Variants in HMGN2 observed in about 807,000 individuals in gnomAD.
HMGN2 encodes the protein high mobility group nucleosomal binding domain 2, also known as non-histone chromosomal protein HMG-17.
Under a neutral mutation model 16.9 loss-of-function variants are expected in HMGN2, and 2 were observed. The ratio of observed to expected loss-of-function variants is 0.12; its 90% confidence interval spans 0.05 to 0.37. The LOEUF (loss-of-function observed/expected upper bound fraction) is 0.37, where lower values mean the gene tolerates loss of function less well. Among genes scored for constraint, HMGN2 ranks in the 10% least tolerant of loss-of-function variants. The probability of loss-of-function intolerance (pLI) is 1.00; values close to 1 mark genes in which losing one functional copy is unlikely to be tolerated. For synonymous variants in HMGN2, 31 were observed against 34.9 expected (o/e 0.89, Z 0.39); for missense variants, 90 against 106.0 (o/e 0.85, Z 0.66).
At chr1:26,474,524 G>T in intron 4 of HMGN2, 48 bp from the exon 5 acceptor site, 2 of 872,258 alleles carry the variant, frequency 2.3e-6, no homozygotes, top group Non-Finnish European at 3.8e-6. Context: ...ACCATACCTT[G>T]GTAATACGAA....
At chr1:26,474,826 C>G (rs1317215482) in intron 5 of HMGN2, 159 bp downstream of exon 5, 1 of 627,968 alleles carries the variant, frequency 1.6e-6, no homozygotes, top group Admixed American at 2.6e-5. Flanking sequence ...CTTGAAATCT[C>G]TACTGTCAGC....
intron 3 of HMGN2, 92 bp from the exon 4 acceptor site, chr1:26,473,993 C>T (rs966114451): frequency 1.8e-6 from 2 of 1,103,354 alleles, no homozygotes; most frequent in African/African-American, 3.2e-5. Flanking sequence ...GGAGAAACTT[C>T]TCTACCCTTG....
intron 1 of HMGN2, 39 bp from the exon 2 acceptor site, chr1:26,473,444 A>G: frequency 1.3e-6 from 2 of 1,485,080 alleles, no homozygotes; most frequent in South Asian, 1.1e-5. Flanking sequence ...ATTAAGAACC[A>G]CCTCAAAATC....
At chr1:26,472,703 C>T (rs946230438) in intron 1 of HMGN2, 76 bp downstream of exon 1, 16 of 1,333,394 alleles carry the variant, frequency 1.2e-5, no homozygotes, top group Non-Finnish European at 1.5e-5. Flanking sequence ...GTGCAGGGAG[C>T]GAGAATCGGC....
chr1:26,476,395 G>T lies in HMGN2; in HGVS notation c.*1247G>T, dbSNP rs1437320639. 6.6e-6 allele frequency among the ~76,000 whole-genome samples: 1 copy of T among 152,202 alleles called. No homozygotes were observed. Among genetic ancestry groups the T allele is most frequent in the Non-Finnish European group, 1.5e-5 (1 of 68,044 alleles). ...TGTCAGAGAGTGTCTCTGTGAATGT[G>T]TACACAGTTGTCCATTTGTAAGGTA... On this transcript the variant is annotated 3_prime_UTR_variant, in exon 6 of 6. Transcript: ENST00000361427.
intron 1 of HMGN2, among the ~76,000 whole-genome samples, chr1:26,473,038 T>TG (rs1318817156): frequency 0.01 from 10 of 970 alleles, no homozygotes; most frequent in Non-Finnish European, 0.045. Flanking sequence ...ACCGCCGCCG[T>TG]GAGGGGCGGG....
rs993724963 is a variant in HMGN2 at position 26,476,230 on chromosome 1, T to G, written c.*1082T>G. 7.2e-5 allele frequency among the ~76,000 whole-genome samples: 11 copies of G among 152,222 alleles called. No homozygotes were observed. The highest frequency in any genetic ancestry group is 1.3e-4 in the Non-Finnish European group (9 of 68,044). ...GCAGCATTCCCTGCAGTGTTTGTTT[T>G]TTGCATGACTCCGAATACATGAAGT... On this transcript the variant is annotated 3_prime_UTR_variant, in exon 6 of 6. Coordinates refer to ENST00000361427, the MANE Select transcript of HMGN2 (RefSeq NM_005517.4).
chr1:26,475,044 G>A lies in HMGN2; in HGVS notation c.238-69G>A, dbSNP rs144027436. On this transcript the variant is annotated intron_variant, in intron 5 of 5. Coordinates refer to ENST00000361427, the MANE Select transcript of HMGN2 (RefSeq NM_005517.4). The stretch of plus-strand genomic sequence containing the variant: ...TTTGGCCTGGGAGCAAAGTGATGCT[G>A]TAGGTGGAATGTGAACACAGATAGT... The A allele has an allele frequency of 5.2e-5, 66 of 1,267,798 alleles. 1 individual carries two copies. In the African/African-American group the frequency reaches 7.7e-4, roughly 15 times the overall value. The allele number at this position is 1,267,798 out of a possible 1,614,324, so 78.5% of individuals were successfully genotyped here.
At chr1:26,473,431 GTAAT>G (rs2075588868) in intron 1 of HMGN2, 48 bp from the exon 2 acceptor site, 4 of 1,316,712 alleles carry the variant, frequency 3.0e-6, no homozygotes, top group Admixed American at 1.7e-5. Context: ...AGTTTGGGAA[GTAAT>G]TAAGAACCAC....
At chr1:26,473,093 A>C (rs907498307) in intron 1 of HMGN2, 11 of 242,034 alleles carry the variant, frequency 4.5e-5, no homozygotes, top group Non-Finnish European at 8.0e-5. Context: ...TTCCCCGCGC[A>C]CGAGACGCGC....
At chr1:26,475,034 A>G in intron 5 of HMGN2, 79 bp from the exon 6 acceptor site, 3 of 1,194,536 alleles carry the variant, frequency 2.5e-6, no homozygotes, top group South Asian at 2.5e-5. Flanking sequence ...CCTGGGAGCA[A>G]AGTGATGCTG....
intron 1 of HMGN2, among the ~76,000 whole-genome samples, chr1:26,472,878 C>T (rs926082866): frequency 4.0e-5 from 6 of 151,878 alleles, no homozygotes; most frequent in Non-Finnish European, 7.4e-5. Flanking sequence ...TTATCCCGCT[C>T]TCCTCGGGCT....
At chr1:26,473,072 C>T (rs2075584473) in intron 1 of HMGN2, 1 of 252,884 alleles carries the variant, frequency 4.0e-6, no homozygotes, top group South Asian at 5.5e-5. Flanking sequence ...GGCCCCGCCC[C>T]CTCGCCCACG....
rs2075608404 is a variant in HMGN2, at chr1:26,476,239, C to G, written c.*1091C>G. 6.6e-6 allele frequency among the ~76,000 whole-genome samples: 1 copy of G among 152,172 alleles called. No homozygotes were observed. On this transcript the variant is annotated 3_prime_UTR_variant, in exon 6 of 6. Transcript: ENST00000361427. Reference sequence around the variant, plus strand: ...CCTGCAGTGTTTGTTTTTTGCATGACTCCGAATACATGAAGTGTATTAAAT... The same window carrying G: ...CCTGCAGTGTTTGTTTTTTGCATGAGTCCGAATACATGAAGTGTATTAAAT...
chr1:26,474,265 G>T, intron 4 of HMGN2, 130 bp downstream of exon 4: 1 of 678,880 alleles, frequency 1.5e-6, no homozygotes, highest in Non-Finnish European at 2.5e-6. Context: ...CCTCGTCCGT[G>T]TCATTCATAA....
At position 26,472,665 on chromosome 1, in the gene HMGN2, T is replaced by TGCCGCCACC. The variant is rs141841615; in HGVS notation, c.15+45_15+53dup. The TGCCGCCACC allele has an allele frequency of 4.2e-5, 63 of 1,506,780 alleles. No homozygotes were observed. The South Asian group carries it at 5.2e-4, about 12-fold the overall frequency. The allele number at this position is 1,506,780 out of a possible 1,614,324, so 93.3% of individuals were successfully genotyped here. ...AGGGCCCCAGGCGCCGGGCCACCACTGCCGCCACCGCCGCCGCCGCCTCCC... is the reference window on the plus strand; with the variant it reads ...AGGGCCCCAGGCGCCGGGCCACCACTGCCGCCACCGCCGCCACCGCCGCCGCCGCCTCCC... On this transcript the variant is annotated intron_variant, in intron 1 of 5. Transcript: ENST00000361427.
intron 1 of HMGN2, among the ~76,000 whole-genome samples, chr1:26,472,883 C>A (rs1187481597): frequency 6.6e-6 from 1 of 151,828 alleles, no homozygotes; most frequent in South Asian, 2.1e-4. Flanking sequence ...CCGCTCTCCT[C>A]GGGCTCGCCG....
At chr1:26,474,904 G>C in intron 5 of HMGN2, 2 of 608,354 alleles carry the variant, frequency 3.3e-6, no homozygotes, top group Admixed American at 5.9e-5. Context: ...CTCTTATTCT[G>C]GTGTTCTTCC....
intron 5 of HMGN2, 116 bp from the exon 6 acceptor site, chr1:26,474,997 T>G: frequency 1.2e-6 from 1 of 808,794 alleles, no homozygotes. Context: ...AAATACTGAG[T>G]CTCAGTACCT....
Sources: allele counts gnomAD v4.1 joint callset (sites outside exome capture counted in the v4.1 genomes callset), GRCh38; gene constraint gnomAD v4.1.1; transcripts MANE v1.5; gene names NCBI Gene and HGNC (gene_info 2026-07-23, HGNC 2026-07-21).